The following SCD5 variants were observed in gnomAD, a reference collection of about 807,000 sequenced individuals.
SCD5 encodes acyl-CoA-desaturase 4.
A neutral mutation model predicts 30.4 loss-of-function variants in SCD5; 20 were observed. The ratio of observed to expected loss-of-function variants is 0.66; its 90% CI spans 0.46 to 0.96. The LOEUF (loss-of-function observed/expected upper bound fraction) is 0.96. Among genes scored for constraint, SCD5 ranks in the 40% least tolerant of loss-of-function variants. The pLI, the probability that SCD5 is intolerant of heterozygous loss-of-function variation, is 0.00. For synonymous variants in SCD5, 173 were observed against 176.4 expected (o/e 0.98, Z 0.16); for missense variants, 381 against 443.3 (o/e 0.86, Z 1.26).
In SCD5 at chr4:82,636,601, C is replaced by G; in HGVS notation, c.792G>C (p.Leu264=). The change falls in exon 4 of 5, where the codon CTG becomes CTC. Residue 264 remains leucine (L), a synonymous_variant. Coordinates refer to ENST00000319540, the MANE Select transcript of SCD5 (RefSeq NM_001037582.3). ...AACACCCCTACTCACCAATGGCACC[C>G]AGAGCGACGAGTGGGTTCTGCCGAG... ...ISPRQNPLVA[L]GAIGEGFHNY... 1.2e-6 allele frequency: 2 copies of G among 1,613,618 alleles called. No homozygotes were observed. The highest frequency in any genetic ancestry group is 1.7e-6 in the Non-Finnish European group (2 of 1,179,786).
intron 3 of SCD5, among the ~76,000 whole-genome samples, chr4:82,677,005 GA>G (rs1411915960): frequency 1.3e-5 from 2 of 152,162 alleles, no homozygotes; most frequent in East Asian, 3.9e-4. Context: ...CTGTAAAATG[GA>G]AAGCTGATTA....
chr4:82,663,275 A>T (rs1002107209), intron 3 of SCD5, among the ~76,000 whole-genome samples: 7 of 152,328 alleles, frequency 4.6e-5, no homozygotes, highest in Non-Finnish European at 8.8e-5. Context: ...AGATAAGAAG[A>T]AGTCAGCTAA....
chr4:82,631,571 T>C, intron 4 of SCD5, 54 bp from the exon 5 acceptor site: 2 of 1,566,950 alleles, frequency 1.3e-6, no homozygotes, highest in Non-Finnish European at 1.7e-6. Flanking sequence ...TCTGCATAGA[T>C]GTTTTGAATC....
At chr4:82,795,729 G>A (rs1276321773) in intron 1 of SCD5, among the ~76,000 whole-genome samples, 1 of 149,492 alleles carries the variant, frequency 6.7e-6, no homozygotes, top group Admixed American at 6.7e-5. Flanking sequence ...GGCTGCGGTG[G>A]GAGCATTGCT....
chr4:82,653,849 A>G (rs1369518341), intron 3 of SCD5, among the ~76,000 whole-genome samples: 2 of 152,082 alleles, frequency 1.3e-5, no homozygotes, highest in Non-Finnish European at 2.9e-5. Flanking sequence ...TGGAAGACTG[A>G]TAAGAGTAGG....
At chr4:82,649,873 G>A (rs1377042742) in intron 3 of SCD5, among the ~76,000 whole-genome samples, 1 of 152,154 alleles carries the variant, frequency 6.6e-6, no homozygotes, top group Non-Finnish European at 1.5e-5. Context: ...GCCTTTGAAG[G>A]CAGCATGAAT....
At chr4:82,752,232 A>G (rs1379874749) in intron 1 of SCD5, among the ~76,000 whole-genome samples, 1 of 151,314 alleles carries the variant, frequency 6.6e-6, no homozygotes, top group Non-Finnish European at 1.5e-5. Context: ...AAGGCAGAAT[A>G]CAAGCAATAT....
intron 1 of SCD5, among the ~76,000 whole-genome samples, chr4:82,798,019 C>A (rs537393909): frequency 6.6e-6 from 1 of 151,620 alleles, no homozygotes; most frequent in Admixed American, 6.5e-5. Context: ...GACTCCGGGT[C>A]CCCCCCGGCT....
intron 3 of SCD5, among the ~76,000 whole-genome samples, chr4:82,642,295 CT>C (rs1727562062): frequency 1.3e-5 from 2 of 152,172 alleles, no homozygotes; most frequent in African/African-American, 4.8e-5. Flanking sequence ...GTATAACCTG[CT>C]GCTCACTCAG....
intron 3 of SCD5, among the ~76,000 whole-genome samples, chr4:82,662,008 A>G (rs1264924835): frequency 6.6e-6 from 1 of 152,140 alleles, no homozygotes; most frequent in Non-Finnish European, 1.5e-5. Flanking sequence ...AAATGAAGAG[A>G]CAGTGTCTTT....
chr4:82,723,562 T>A (rs1180129036), intron 1 of SCD5, among the ~76,000 whole-genome samples: 2 of 152,244 alleles, frequency 1.3e-5, no homozygotes, highest in Non-Finnish European at 2.9e-5. Flanking sequence ...CTTTCTGATA[T>A]GTTTGATAAG....
At chr4:82,741,853 C>CGGGGGGGGGGGGTG (rs34875819) in intron 1 of SCD5, among the ~76,000 whole-genome samples, 1 of 45,404 alleles carries the variant, frequency 2.2e-5, no homozygotes, top group African/African-American at 7.3e-5. Context: ...TCAGAGTGGG[C>CGGGGGGGGGGGGTG]GGGGGGGGGG....
At chr4:82,710,251 C>T (rs1007087975) in intron 1 of SCD5, among the ~76,000 whole-genome samples, 10 of 152,186 alleles carry the variant, frequency 6.6e-5, no homozygotes, top group African/African-American at 2.4e-4. Flanking sequence ...CTCTTAGACA[C>T]CATGTGGCCC....
chr4:82,736,557 C>G (rs370745308), intron 1 of SCD5, among the ~76,000 whole-genome samples: 7 of 151,926 alleles, frequency 4.6e-5, no homozygotes, highest in Admixed American at 2.6e-4. Flanking sequence ...GCAGTGAGCC[C>G]AGATCGCGCC....
At chr4:82,659,332 C>T (rs2148816416) in intron 3 of SCD5, among the ~76,000 whole-genome samples, 1 of 152,284 alleles carries the variant, frequency 6.6e-6, no homozygotes, top group South Asian at 2.1e-4. Context: ...CTATCTCCTT[C>T]AGTTCTGCTC....
chr4:82,781,415 C>CAA (rs113300695), intron 1 of SCD5, among the ~76,000 whole-genome samples: 6 of 129,702 alleles, frequency 4.6e-5, no homozygotes, highest in African/African-American at 8.4e-5. Flanking sequence ...GACTCTGTCT[C>CAA]AAAAAAAAAA....
intron 2 of SCD5, among the ~76,000 whole-genome samples, chr4:82,701,590 A>T (rs1345793675): frequency 6.6e-6 from 1 of 152,190 alleles, no homozygotes; most frequent in African/African-American, 2.4e-5. Context: ...GGTGGCCTGA[A>T]TCAGGACAAT....
intron 3 of SCD5, among the ~76,000 whole-genome samples, chr4:82,642,559 T>C (rs575515291): frequency 1.3e-4 from 20 of 152,268 alleles, no homozygotes; most frequent in African/African-American, 4.6e-4. Flanking sequence ...CAAGCATCAG[T>C]CTGAACATCA....
intron 1 of SCD5, among the ~76,000 whole-genome samples, chr4:82,787,189 A>T (rs962405947): frequency 1.3e-5 from 2 of 152,224 alleles, no homozygotes; most frequent in African/African-American, 4.8e-5. Flanking sequence ...TTCATCAGTG[A>T]GATTCTGTGT....
Sources: allele counts gnomAD v4.1 joint callset (sites outside exome capture counted in the v4.1 genomes callset), GRCh38; gene constraint gnomAD v4.1.1; transcripts MANE v1.5; gene names NCBI Gene and HGNC (gene_info 2026-07-23, HGNC 2026-07-21).